Variants in PCDH7 observed in about 807,000 individuals in gnomAD.
PCDH7 encodes protocadherin-7.
PCDH7 carries 17 observed loss-of-function variants against 58.9 expected under a neutral mutation model. That is an observed-to-expected ratio of 0.29 (90% confidence interval 0.20 to 0.43). PCDH7 has a LOEUF of 0.43. PCDH7 is among the 20% of genes least tolerant of loss of function. The probability of loss-of-function intolerance (pLI) is 1.00; values close to 1 mark genes in which losing one functional copy is unlikely to be tolerated. For synonymous variants in PCDH7, 664 were observed against 616.4 expected (o/e 1.08, Z -1.14); for missense variants, 1,274 against 1,441.0 (o/e 0.88, Z 1.88).
intron 3 of PCDH7, among the ~76,000 whole-genome samples, chr4:31,109,808 A>G (rs1201833435): frequency 6.6e-6 from 1 of 152,218 alleles, no homozygotes; most frequent in Non-Finnish European, 1.5e-5. Context: ...CCATTGGTAC[A>G]TTTCAGTACT....
chr4:30,804,917 G>A (rs867487122), intron 1 of PCDH7, among the ~76,000 whole-genome samples: 4 of 152,098 alleles, frequency 2.6e-5, no homozygotes, highest in Admixed American at 1.3e-4. Context: ...CACATCTTAA[G>A]GTCTCCTTAA....
rs1272245869 is a variant in PCDH7, at chr4:30,880,081, A to G, written c.71-40072A>G. On this transcript the variant is annotated intron_variant, in intron 1 of 3. Transcript: ENST00000509759. ...ATTGACTCATGGAATATTTAATGGAATGTCCTCTAGGTATTTCATAGCTTA... is the reference window on the plus strand; with the variant it reads ...ATTGACTCATGGAATATTTAATGGAGTGTCCTCTAGGTATTTCATAGCTTA... Among the ~76,000 whole-genome samples the G allele has an allele frequency of 4.6e-5, 7 of 152,138 alleles. No individual in the cohort carries two copies. The East Asian group carries it at 9.7e-4, about 21-fold the overall frequency.
intron 1 of PCDH7, among the ~76,000 whole-genome samples, chr4:30,830,506 T>C (rs1036731088): frequency 6.6e-6 from 1 of 152,116 alleles, no homozygotes. Context: ...TTTTAGTTCC[T>C]TTTTTAATCA....
exon 4 of PCDH7, chr4:31,142,843 C>A (rs574982577): frequency 2.2e-6 from 3 of 1,362,628 alleles, no homozygotes; most frequent in East Asian, 4.6e-5. Flanking sequence ...GAGAAGTTTA[C>A]CTGTAGGCTA....
At chr4:30,899,328 C>T (rs1170315237) in intron 1 of PCDH7, among the ~76,000 whole-genome samples, 1 of 152,052 alleles carries the variant, frequency 6.6e-6, no homozygotes, top group African/African-American at 2.4e-5. Context: ...GATAAAATTG[C>T]CCTTTTTTGA....
At chr4:30,982,295 C>T (rs1227451477) in intron 3 of PCDH7, among the ~76,000 whole-genome samples, 3 of 152,104 alleles carry the variant, frequency 2.0e-5, no homozygotes, top group East Asian at 3.9e-4. Flanking sequence ...CATTCTCTAG[C>T]CCCGTTGTCT....
At chr4:31,107,307 C>A (rs1715700983) in intron 3 of PCDH7, among the ~76,000 whole-genome samples, 1 of 152,012 alleles carries the variant, frequency 6.6e-6, no homozygotes, top group Non-Finnish European at 1.5e-5. Flanking sequence ...TTTTTTCTTT[C>A]TATCTCACAA....
chr4:30,968,983 C>T (rs570281767), intron 3 of PCDH7, among the ~76,000 whole-genome samples: 2 of 152,268 alleles, frequency 1.3e-5, no homozygotes, highest in African/African-American at 4.8e-5. Flanking sequence ...CTTCAGGATC[C>T]TGCATAAAAT....
intron 3 of PCDH7, among the ~76,000 whole-genome samples, chr4:31,000,725 G>GAGA (rs1207311679): frequency 1.3e-5 from 2 of 151,842 alleles, no homozygotes; most frequent in Non-Finnish European, 2.9e-5. Context: ...ACAAAGAAAA[G>GAGA]AGAAGAAAAG....
intron 3 of PCDH7, among the ~76,000 whole-genome samples, chr4:31,055,461 G>A (rs1757079968): frequency 6.6e-6 from 1 of 152,058 alleles, no homozygotes; most frequent in Non-Finnish European, 1.5e-5. Context: ...TACCATAATG[G>A]TTTTGAGCAG....
intron 1 of PCDH7, among the ~76,000 whole-genome samples, chr4:30,798,598 T>G (rs1725106098): frequency 2.6e-5 from 4 of 152,234 alleles, no homozygotes; most frequent in Admixed American, 2.6e-4. Context: ...TCAGTTAAAC[T>G]ATTTATGTGT....
chr4:30,858,195 T>C (rs1015538417), intron 1 of PCDH7, among the ~76,000 whole-genome samples: 1 of 152,206 alleles, frequency 6.6e-6, no homozygotes, highest in South Asian at 2.1e-4. Flanking sequence ...TTTGCCAGTC[T>C]TTTTATACTC....
chr4:31,100,484 G>A (rs552077096), intron 3 of PCDH7, among the ~76,000 whole-genome samples: 1 of 152,286 alleles, frequency 6.6e-6, no homozygotes, highest in Admixed American at 6.5e-5. Context: ...GGAAAATCCT[G>A]ATAAAACACA....
rs555824812 is a variant in PCDH7 at position 31,133,702 on chromosome 4, G to A, written c.*8-8771G>A. ...AATTGATCGCTCCTAAGCAGTCCTC[G>A]CACATTTTTCTGCTGTAGTGCAGTT... On this transcript the variant is annotated intron_variant, in intron 3 of 3. Transcript: ENST00000509759. Among the ~76,000 whole-genome samples the A allele has an allele frequency of 5.3e-5, 8 of 152,228 alleles. No homozygotes were observed. In the South Asian group the frequency reaches 1.5e-3, roughly 28 times the overall value.
At chr4:30,834,534 G>A (rs1444478288) in intron 1 of PCDH7, among the ~76,000 whole-genome samples, 1 of 152,024 alleles carries the variant, frequency 6.6e-6, no homozygotes, top group African/African-American at 2.4e-5. Flanking sequence ...TCTTAAATGT[G>A]TCTGTTCCCC....
At chr4:30,997,316 G>T (rs1227569517) in intron 3 of PCDH7, among the ~76,000 whole-genome samples, 1 of 152,102 alleles carries the variant, frequency 6.6e-6, no homozygotes, top group Non-Finnish European at 1.5e-5. Flanking sequence ...GGCAGGAAAG[G>T]AAAAGGCTAT....
intron 1 of PCDH7, among the ~76,000 whole-genome samples, chr4:30,830,422 A>T (rs1268159675): frequency 1.3e-5 from 2 of 152,030 alleles, no homozygotes; most frequent in Non-Finnish European, 2.9e-5. Context: ...ATGGATTTAG[A>T]TTTCACATTT....
At chr4:31,121,767 A>T (rs1717718059) in intron 3 of PCDH7, among the ~76,000 whole-genome samples, 1 of 152,136 alleles carries the variant, frequency 6.6e-6, no homozygotes, top group South Asian at 2.1e-4. Context: ...GTTTAAAATA[A>T]CCTAATTTAG....
At chr4:31,014,782 G>T (rs983046244) in intron 3 of PCDH7, among the ~76,000 whole-genome samples, 1 of 152,030 alleles carries the variant, frequency 6.6e-6, no homozygotes, top group African/African-American at 2.4e-5. Flanking sequence ...GTATCATTTA[G>T]TTTTCTGATA....
Sources: allele counts gnomAD v4.1 joint callset (sites outside exome capture counted in the v4.1 genomes callset), GRCh38; gene constraint gnomAD v4.1.1; transcripts MANE v1.5; gene names NCBI Gene and HGNC (gene_info 2026-07-23, HGNC 2026-07-21).